ZNF248: variants seen among roughly 807,000 people sequenced by gnomAD.
ZNF248 encodes the protein zinc finger protein 248.
In ZNF248, 20 loss-of-function variants were observed where a neutral mutation model predicts 44.3. The ratio of observed to expected loss-of-function variants is 0.45; its 90% CI spans 0.32 to 0.66. ZNF248 has a LOEUF of 0.66. Ranked by LOEUF, ZNF248 falls within the 30% of genes least tolerant of loss-of-function variation. The probability of loss-of-function intolerance (pLI) is 0.04; values close to 1 mark genes in which losing one functional copy is unlikely to be tolerated. For missense variants in ZNF248, 654 were observed against 677.0 expected (o/e 0.97, Z 0.38); for synonymous variants, 224 against 229.0 (o/e 0.98, Z 0.20).
chr10:37,815,631 G>C (rs1309887154), intron 6 of ZNF248, among the ~76,000 whole-genome samples: 1 of 151,824 alleles, frequency 6.6e-6, no homozygotes, highest in Non-Finnish European at 1.5e-5. Context: ...CTTTTTCAGG[G>C]ACAGTTTCTT....
At chr10:37,783,684 A>G (rs1206998970) in intron 6 of ZNF248, among the ~76,000 whole-genome samples, 1 of 152,192 alleles carries the variant, frequency 6.6e-6, no homozygotes, top group African/African-American at 2.4e-5. Context: ...ACAGTCTCTC[A>G]CCCAGTTTTC....
intron 6 of ZNF248, among the ~76,000 whole-genome samples, chr10:37,779,234 T>A (rs1048996099): frequency 2.0e-5 from 3 of 152,120 alleles, no homozygotes; most frequent in East Asian, 1.9e-4. Context: ...TAGACCAACA[T>A]CCTTGATGAA....
intron 3 of ZNF248, 25 bp downstream of exon 3, chr10:37,856,271 G>T (rs775664349): frequency 3.7e-6 from 6 of 1,608,870 alleles, no homozygotes; most frequent in Middle Eastern, 1.6e-4. Flanking sequence ...TAAACAAACT[G>T]GGAATAAAGA....
chr10:37,826,420 AAACT>A (rs2054400677), downstream of ZNF248, among the ~76,000 whole-genome samples: 1 of 152,162 alleles, frequency 6.6e-6, no homozygotes, highest in Non-Finnish European at 1.5e-5. Flanking sequence ...ATTACCTACT[AAACT>A]AACTCCATGT....
intron 6 of ZNF248, chr10:37,803,515 G>A (rs12782327): frequency 0.11 from 16,350 of 152,304 alleles, 1,149 homozygotes; most frequent in Admixed American, 0.19. Context: ...TTATTTAACT[G>A]TACAGGAGTG....
chr10:37,798,307 G>A (rs549309036), intron 6 of ZNF248, among the ~76,000 whole-genome samples: 1 of 152,140 alleles, frequency 6.6e-6, no homozygotes, highest in Non-Finnish European at 1.5e-5. Context: ...CTAGGGGAGT[G>A]ACTGCTGATG....
the ZNF248 span, among the ~76,000 whole-genome samples, chr10:37,769,350 G>A: frequency 9.9e-5 from 15 of 152,188 alleles, no homozygotes; most frequent in Non-Finnish European, 1.9e-4. Context: ...TATCCTTGAT[G>A]AATATTGATG....
Position 37,829,208 on chromosome 10 carries a change from T to C in ZNF248, c.*2407A>G, listed in dbSNP as rs1052677381. The C allele has an allele frequency of 1.0e-6, 1 of 985,450 alleles. No homozygotes were observed. Among genetic ancestry groups the C allele is most frequent in the Non-Finnish European group, 1.2e-6 (1 of 829,958 alleles). 61.0% of individuals were successfully genotyped at this position (985,450 alleles called of 1,614,324 possible). ...ATGTCTCTTACAAGGTGGCCCCTCC[T>C]TCATGACAGCAGTTCTTACTGGGCT... is the stretch of plus-strand genomic sequence containing the variant. On this transcript the variant is annotated 3_prime_UTR_variant, in exon 6 of 6. Transcript: ENST00000395867.
downstream of ZNF248, among the ~76,000 whole-genome samples, chr10:37,771,707 T>C (rs1455492694): frequency 6.6e-6 from 1 of 151,962 alleles, no homozygotes; most frequent in Non-Finnish European, 1.5e-5. Flanking sequence ...CACACCAACA[T>C]GGCACATGTA....
Position 37,832,168 on chromosome 10 carries a change from G to C in ZNF248, c.1187C>G (p.Thr396Ser). Residue 396 changes from threonine to serine, a missense_variant, in exon 6 of 6, where the codon ACT becomes AGT. Physicochemically the swap from Thr to Ser is moderately conservative, Grantham distance 58. Coordinates refer to ENST00000395867, the MANE Select transcript of ZNF248 (RefSeq NM_021045.3). ...GKTFWEKSNL[T>S]QHQRTHTGEK... ...TCCTGTGTGTGTTCTCTGATGTTGAGTGAGGTTTGACTTCTCCCAGAAGGT... is the reference window on the plus strand; with the variant it reads ...TCCTGTGTGTGTTCTCTGATGTTGACTGAGGTTTGACTTCTCCCAGAAGGT... 1 of 1,614,070 alleles carries C rather than the reference G, an allele frequency of 6.2e-7. No homozygotes were observed. The highest frequency in any genetic ancestry group is 8.5e-7 in the Non-Finnish European group (1 of 1,179,976).
intron 1 of ZNF248, 85 bp from the exon 2 acceptor site, chr10:37,856,617 C>A: frequency 5.7e-6 from 6 of 1,050,620 alleles, no homozygotes; most frequent in Non-Finnish European, 5.7e-6. Flanking sequence ...ATGGGTTTGT[C>A]AAAATTCCTT....
chr10:37,819,283 G>A, intron 6 of ZNF248: 2 of 938,924 alleles, frequency 2.1e-6, no homozygotes, highest in African/African-American at 1.6e-5. Context: ...TTCCCTCACA[G>A]TATTCTAACA....
intron 3 of ZNF248, among the ~76,000 whole-genome samples, chr10:37,852,820 C>T (rs1242223612): frequency 6.6e-6 from 1 of 151,592 alleles, no homozygotes; most frequent in Non-Finnish European, 1.5e-5. Context: ...GGTGTAACTG[C>T]AGTACCAAAA....
chr10:37,784,550 A>C (rs2047667810), intron 6 of ZNF248, among the ~76,000 whole-genome samples: 1 of 152,230 alleles, frequency 6.6e-6, no homozygotes, highest in Non-Finnish European at 1.5e-5. Flanking sequence ...TTTTACTAGA[A>C]AAAATAATAA....
intron 6 of ZNF248, among the ~76,000 whole-genome samples, chr10:37,813,143 G>A (rs1204677397): frequency 6.6e-6 from 1 of 152,092 alleles, no homozygotes; most frequent in African/African-American, 2.4e-5. Flanking sequence ...ACTTGACAGA[G>A]ATGAGCACTT....
intron 6 of ZNF248, among the ~76,000 whole-genome samples, chr10:37,811,877 C>T (rs1451811290): frequency 6.6e-6 from 1 of 151,538 alleles, no homozygotes; most frequent in Non-Finnish European, 1.5e-5. Flanking sequence ...TAAAAAGTCA[C>T]AATAACAGAA....
At chr10:37,823,544 G>T (rs2053849347) in intron 6 of ZNF248, among the ~76,000 whole-genome samples, 1 of 151,890 alleles carries the variant, frequency 6.6e-6, no homozygotes, top group African/African-American at 2.4e-5. Flanking sequence ...ACAGACTAAA[G>T]CTTGACTAGA....
chr10:37,847,244 C>T (rs2059478426), intron 3 of ZNF248, among the ~76,000 whole-genome samples: 1 of 152,038 alleles, frequency 6.6e-6, no homozygotes, highest in Admixed American at 6.6e-5. Flanking sequence ...GACAGAGTCT[C>T]CCTCTGTCAC....
chr10:37,853,568 C>T lies in ZNF248; in HGVS notation c.15+2728G>A, dbSNP rs189157825. 9.5e-4 allele frequency among the ~76,000 whole-genome samples: 145 copies of T among 151,966 alleles called. 1 individual carries two copies. The Middle Eastern group carries it at 0.024, about 25-fold the overall frequency. ...AATTTTTTTGTACTTTTAGTAGAGA[C>T]GGGGTTTCTCCATGTTGGTCAGGCT... On this transcript the variant is annotated intron_variant, in intron 3 of 5. Coordinates refer to ENST00000395867, the MANE Select transcript of ZNF248 (RefSeq NM_021045.3).
Sources: allele counts gnomAD v4.1 joint callset (sites outside exome capture counted in the v4.1 genomes callset), GRCh38; gene constraint gnomAD v4.1.1; transcripts MANE v1.5; gene names NCBI Gene and HGNC (gene_info 2026-07-23, HGNC 2026-07-21).